SEMA3A: variants seen among roughly 807,000 people sequenced by gnomAD.
SEMA3A encodes semaphorin 3A, also known as semaphorin-3A.
In SEMA3A, 29 loss-of-function variants were observed where a neutral mutation model predicts 97.9. That is an observed-to-expected ratio of 0.30 (90% confidence interval 0.22 to 0.40). SEMA3A has a LOEUF of 0.40. Ranked by LOEUF, SEMA3A falls within the 10% of genes least tolerant of loss-of-function variation. The probability of loss-of-function intolerance (pLI) is 1.00; values close to 1 mark genes in which losing one functional copy is unlikely to be tolerated. For synonymous variants in SEMA3A, 321 were observed against 323.7 expected, an observed-to-expected ratio of 0.99 and a Z score of 0.09; for missense variants, 763 against 951.3, an observed-to-expected ratio of 0.80 and a Z score of 2.60.
chr7:84,442,964 T>C (rs1477359510), intron 1 of SEMA3A, among the ~76,000 whole-genome samples: 2 of 151,974 alleles, frequency 1.3e-5, no homozygotes, highest in Non-Finnish European at 2.9e-5. Context: ...GCCATCAAAA[T>C]ATATGAAGCA....
chr7:83,965,099 A>AT lies in SEMA3A; in HGVS notation c.1718-1753dup, dbSNP rs11332458. On this transcript the variant is annotated intron_variant, in intron 15 of 16. Transcript: ENST00000265362. ...TGTTCTGTGATTTAAACTTTTTTGT[A>AT]TTTTTTTTTTTTTGTATTTTTAGTA... 6.2e-3 allele frequency among the ~76,000 whole-genome samples: 885 copies of AT among 143,336 alleles called. 5 individuals are homozygous for AT. Among genetic ancestry groups the AT allele is most frequent in the African/African-American group, 0.014 (544 of 39,436 alleles). 94.0% of individuals were successfully genotyped at this position (143,336 alleles called of 152,430 possible).
intron 6 of SEMA3A, among the ~76,000 whole-genome samples, chr7:84,036,323 G>T (rs1160097024): frequency 3.3e-5 from 5 of 152,084 alleles, no homozygotes; most frequent in Non-Finnish European, 7.4e-5. Context: ...TTTTATCCTG[G>T]AAGGCAGGGT....
At chr7:84,140,373 G>GTA (rs1324939601) in intron 1 of SEMA3A, among the ~76,000 whole-genome samples, 6 of 152,208 alleles carry the variant, frequency 3.9e-5, no homozygotes, top group African/African-American at 1.2e-4. Context: ...AAGAACTCCT[G>GTA]TATATTTGAC....
chr7:84,137,194 T>C (rs1796157505), intron 1 of SEMA3A, among the ~76,000 whole-genome samples: 2 of 150,970 alleles, frequency 1.3e-5, no homozygotes, highest in African/African-American at 4.9e-5. Context: ...AGGTCAGGAG[T>C]TCAAGACCAA....
At chr7:84,395,563 G>A (rs182738903) in intron 1 of SEMA3A, among the ~76,000 whole-genome samples, 1 of 151,720 alleles carries the variant, frequency 6.6e-6, no homozygotes, top group Non-Finnish European at 1.5e-5. Flanking sequence ...ACATGTCAAG[G>A]GGGGGACCAG....
intron 2 of SEMA3A, among the ~76,000 whole-genome samples, chr7:84,129,427 G>T (rs1795896870): frequency 6.6e-6 from 1 of 152,156 alleles, no homozygotes; most frequent in African/African-American, 2.4e-5. Context: ...GAGAGAAACT[G>T]GTGTAGACAA....
chr7:84,375,809 T>G (rs1584273881), intron 1 of SEMA3A, among the ~76,000 whole-genome samples: 1 of 152,168 alleles, frequency 6.6e-6, no homozygotes, highest in East Asian at 1.9e-4. Flanking sequence ...TAGTTCCAGT[T>G]TTGTACCTGC....
chr7:84,005,424 C>T lies in SEMA3A; in HGVS notation c.1275G>A (p.Thr425=), dbSNP rs764231888. The T allele has an allele frequency of 1.1e-5, 18 of 1,613,604 alleles. No individual in the cohort carries two copies. Among genetic ancestry groups the T allele is most frequent in the Admixed American group, 5.0e-5 (3 of 60,004 alleles). ...PMNNRPIVIK[T]DVNYQFTQIV... The stretch of plus-strand genomic sequence containing the variant: ...TTTGTGTAAATTGATAATTTACATC[C>T]GTTTTGATCACTATTGGGCGATTGT... The change falls in exon 11 of 17, where the codon ACG becomes ACA. Residue 425 remains threonine (T), a synonymous_variant. Coordinates refer to ENST00000265362, the MANE Select transcript of SEMA3A (RefSeq NM_006080.3).
At chr7:84,439,289 G>T (rs1330597091) in intron 1 of SEMA3A, among the ~76,000 whole-genome samples, 1 of 152,028 alleles carries the variant, frequency 6.6e-6, no homozygotes, top group Non-Finnish European at 1.5e-5. Context: ...AATTTTCTAT[G>T]ACAGGATGTA....
At chr7:84,135,530 T>G (rs1372658714) in intron 1 of SEMA3A, among the ~76,000 whole-genome samples, 4 of 152,330 alleles carry the variant, frequency 2.6e-5, no homozygotes, top group Non-Finnish European at 4.4e-5. Flanking sequence ...TGGCAGAATT[T>G]ATTTGCATGT....
At chr7:84,338,562 C>A (rs909740361) in intron 2 of SEMA3A, among the ~76,000 whole-genome samples, 3 of 152,018 alleles carry the variant, frequency 2.0e-5, no homozygotes, top group Admixed American at 2.0e-4. Flanking sequence ...TTATAATACT[C>A]CAGGATTATT....
intron 5 of SEMA3A, among the ~76,000 whole-genome samples, chr7:84,049,842 C>A: frequency 6.8e-6 from 1 of 147,554 alleles, no homozygotes; most frequent in Admixed American, 6.8e-5. Context: ...TTAGGTATAT[C>A]TCCCAATGCT....
At chr7:84,393,758 G>T (rs569563805) in intron 1 of SEMA3A, among the ~76,000 whole-genome samples, 1 of 152,196 alleles carries the variant, frequency 6.6e-6, no homozygotes, top group East Asian at 1.9e-4. Flanking sequence ...ATGAGCCCTT[G>T]GGGTGGTCCC....
intron 4 of SEMA3A, among the ~76,000 whole-genome samples, chr7:84,082,055 G>A (rs1794183637): frequency 2.6e-5 from 4 of 152,030 alleles, no homozygotes; most frequent in Admixed American, 2.6e-4. Context: ...ACACTACAGG[G>A]AACAAGGTTA....
intron 16 of SEMA3A, 62 bp downstream of exon 16, chr7:83,963,143 C>T: frequency 6.4e-7 from 1 of 1,562,706 alleles, no homozygotes; most frequent in Admixed American, 1.7e-5. Context: ...GTGAAAAATA[C>T]AAGGATTACA....
intron 6 of SEMA3A, among the ~76,000 whole-genome samples, chr7:84,034,119 G>A (rs1409397952): frequency 2.5e-4 from 38 of 152,058 alleles, no homozygotes; most frequent in Non-Finnish European, 8.8e-5. Context: ...AAGTAGCTGG[G>A]ACCATAGGCA....
At chr7:84,183,784 TCTC>T (rs1430793128) in intron 1 of SEMA3A, among the ~76,000 whole-genome samples, 1 of 152,058 alleles carries the variant, frequency 6.6e-6, no homozygotes, top group African/African-American at 2.4e-5. Flanking sequence ...TCAGCCATGA[TCTC>T]CTTCTATAAA....
At chr7:84,079,899 C>G (rs1036948404) in intron 4 of SEMA3A, among the ~76,000 whole-genome samples, 2 of 147,510 alleles carry the variant, frequency 1.4e-5, no homozygotes, top group African/African-American at 5.2e-5. Flanking sequence ...AAGACACTTG[C>G]GCACGTATGT....
intron 2 of SEMA3A, among the ~76,000 whole-genome samples, chr7:84,315,945 C>CT (rs1362840306): frequency 6.7e-5 from 10 of 149,778 alleles, no homozygotes; most frequent in African/African-American, 2.4e-4. Flanking sequence ...TATATTTTTT[C>CT]TTTTTAAAAT....
Sources: allele counts gnomAD v4.1 joint callset (sites outside exome capture counted in the v4.1 genomes callset), GRCh38; gene constraint gnomAD v4.1.1; transcripts MANE v1.5; gene names NCBI Gene and HGNC (gene_info 2026-07-23, HGNC 2026-07-21).